PTPRN2: variants seen among roughly 807,000 people sequenced by gnomAD.
The protein encoded by PTPRN2 is receptor-type tyrosine-protein phosphatase N2.
PTPRN2 carries 74 observed loss-of-function variants against 118.8 expected under a neutral mutation model. The ratio of observed to expected loss-of-function variants is 0.62; its 90% CI spans 0.52 to 0.76. The LOEUF is 0.76. PTPRN2 is among the 30% of genes least tolerant of loss of function. The probability of loss-of-function intolerance (pLI) is 0.00; values close to 1 mark genes in which losing one functional copy is unlikely to be tolerated. For missense variants in PTPRN2, 1,481 were observed against 1,394.4 expected (o/e 1.06, Z -0.99); for synonymous variants, 641 against 608.0 (o/e 1.05, Z -0.80).
intron 10 of PTPRN2, among the ~76,000 whole-genome samples, chr7:158,099,062 C>T (rs1814955722): frequency 4.1e-5 from 1 of 24,140 alleles, no homozygotes; most frequent in Non-Finnish European, 8.2e-5. Flanking sequence ...GCTGCCTCCC[C>T]TTCCTCCCCC....
intron 1 of PTPRN2, among the ~76,000 whole-genome samples, chr7:158,554,118 T>C (rs1277380122): frequency 6.6e-6 from 1 of 152,164 alleles, no homozygotes; most frequent in African/African-American, 2.4e-5. Context: ...TACAAAAAAT[T>C]AGCCGGATGT....
chr7:158,221,203 T>C (rs997074109), intron 3 of PTPRN2, among the ~76,000 whole-genome samples: 22 of 152,154 alleles, frequency 1.4e-4, no homozygotes, highest in African/African-American at 4.6e-4. Flanking sequence ...TTTTACCATA[T>C]ACAAAAATCA....
chr7:157,591,777 C>T lies in PTPRN2; in HGVS notation c.2496+3461G>A, dbSNP rs1456289654. Among the ~76,000 whole-genome samples the T allele has an allele frequency of 1.3e-5, 2 of 152,226 alleles. No homozygotes were observed. Among genetic ancestry groups the T allele is most frequent in the Admixed American group, 6.5e-5 (1 of 15,292 alleles). On this transcript the variant is annotated intron_variant, in intron 17 of 22. Coordinates refer to ENST00000389418, the MANE Select transcript of PTPRN2 (RefSeq NM_002847.5). This position sits in a 1 kb window ranked among gnomAD's most constrained non-coding sequence, Gnocchi z 4.4. Reference sequence around the variant, plus strand: ...GTGACTGTGCTAGGAAGCAACTCTCCTCCATCCTGCTCTGTGTGGATTTAT... The same window carrying T: ...GTGACTGTGCTAGGAAGCAACTCTCTTCCATCCTGCTCTGTGTGGATTTAT...
intron 11 of PTPRN2, among the ~76,000 whole-genome samples, chr7:157,922,007 A>G (rs2128770485): frequency 6.6e-6 from 1 of 152,310 alleles, no homozygotes; most frequent in East Asian, 1.9e-4. Flanking sequence ...TTTTCTGTAA[A>G]TGTAAAACTG....
intron 3 of PTPRN2, among the ~76,000 whole-genome samples, chr7:158,231,112 C>A (rs1013017002): frequency 2.0e-5 from 3 of 151,996 alleles, no homozygotes; most frequent in Admixed American, 6.6e-5. Context: ...ATAAAAAAAT[C>A]AAAAATTAGC....
At chr7:158,140,325 A>T (rs1002758143) in intron 6 of PTPRN2, among the ~76,000 whole-genome samples, 1 of 152,218 alleles carries the variant, frequency 6.6e-6, no homozygotes, top group Non-Finnish European at 1.5e-5. Context: ...CCAAAAGGAC[A>T]TCTTCCGTAT....
rs184774259 is a variant in PTPRN2 at position 157,917,930 on chromosome 7, G to A, written c.1724-19193C>T. On this transcript the variant is annotated intron_variant, in intron 11 of 22. Coordinates refer to ENST00000389418, the MANE Select transcript of PTPRN2 (RefSeq NM_002847.5). ...TCACGATGTAATTGGCTTTCCCAAC[G>A]CAAATTTCAGTGAAATTTGACTAAG... 2.6e-3 allele frequency among the ~76,000 whole-genome samples: 402 copies of A among 152,236 alleles called. 5 individuals are homozygous for A. Among genetic ancestry groups the A allele is most frequent in the East Asian group, 7.7e-4 (4 of 5,172 alleles).
At chr7:157,921,576 G>C (rs1798692878) in intron 11 of PTPRN2, among the ~76,000 whole-genome samples, 1 of 152,234 alleles carries the variant, frequency 6.6e-6, no homozygotes, top group Admixed American at 6.5e-5. Flanking sequence ...GTTTCTTGCA[G>C]GAGTGTGATA....
intron 12 of PTPRN2, among the ~76,000 whole-genome samples, chr7:157,693,846 G>A (rs1431529158): frequency 6.6e-6 from 1 of 152,196 alleles, no homozygotes; most frequent in Non-Finnish European, 1.5e-5. Flanking sequence ...GGAGCTCTCC[G>A]AGGTGGCCAG....
chr7:158,318,670 C>A (rs532565979), intron 2 of PTPRN2, among the ~76,000 whole-genome samples: 1 of 152,240 alleles, frequency 6.6e-6, no homozygotes, highest in Non-Finnish European at 1.5e-5. Flanking sequence ...AGAAGGAAGG[C>A]GCTCTCGGCC....
intron 3 of PTPRN2, among the ~76,000 whole-genome samples, chr7:158,227,746 T>G (rs888230779): frequency 2.0e-5 from 3 of 152,180 alleles, no homozygotes; most frequent in Admixed American, 2.0e-4. Context: ...GCAGGAAGCC[T>G]GTAGGCTTTG....
At chr7:158,192,188 A>C in intron 5 of PTPRN2, 139 bp downstream of exon 5, 6 of 1,021,342 alleles carry the variant, frequency 5.9e-6, no homozygotes, top group Non-Finnish European at 5.3e-6. Flanking sequence ...GGAACACCGA[A>C]GCCCTGTTCA....
chr7:157,737,346 C>G (rs1460516879), intron 12 of PTPRN2, among the ~76,000 whole-genome samples: 1 of 152,212 alleles, frequency 6.6e-6, no homozygotes, highest in Non-Finnish European at 1.5e-5. Context: ...GCTCTGTTCG[C>G]TGAGCCTCAG....
rs1826898651 is a variant in PTPRN2, at chr7:158,555,252, A to G, written c.112+32306T>C. ...CATCTTCAGCAGCTCTTACGACTGCAAGATCCCACAGCTGCCTTTTGGGGG... is the reference window on the plus strand; with the variant it reads ...CATCTTCAGCAGCTCTTACGACTGCGAGATCCCACAGCTGCCTTTTGGGGG... On this transcript the variant is annotated intron_variant, in intron 1 of 22. Coordinates refer to ENST00000389418, the MANE Select transcript of PTPRN2 (RefSeq NM_002847.5). This position sits in a 1 kb window ranked among gnomAD's most constrained non-coding sequence, Gnocchi z 4.7. Among the ~76,000 whole-genome samples the G allele has an allele frequency of 6.6e-6, 1 of 152,234 alleles. No homozygotes were observed. Among genetic ancestry groups the G allele is most frequent in the Non-Finnish European group, 1.5e-5 (1 of 68,052 alleles).
intron 12 of PTPRN2, among the ~76,000 whole-genome samples, chr7:157,739,746 G>T (rs1800512194): frequency 6.6e-6 from 1 of 152,170 alleles, no homozygotes; most frequent in Non-Finnish European, 1.5e-5. Flanking sequence ...GATCAGCCCT[G>T]GGGTCACCAT....
intron 8 of PTPRN2, among the ~76,000 whole-genome samples, chr7:158,134,710 G>A (rs373565740): frequency 1.2e-4 from 18 of 152,134 alleles, no homozygotes; most frequent in African/African-American, 3.4e-4. Context: ...TCTCCCAGCC[G>A]GATCCCCTTT....
rs60978733 is a variant in PTPRN2, at chr7:157,590,671, CGCGGTGCCAT to C, written c.2496+4557_2496+4566del. Among the ~76,000 whole-genome samples, 7,314 of 152,140 alleles carry C rather than the reference CGCGGTGCCAT, an allele frequency of 0.048. 319 individuals carry two copies. Among genetic ancestry groups the C allele is most frequent in the East Asian group, 0.19 (987 of 5,112 alleles). On this transcript the variant is annotated intron_variant, in intron 17 of 22. Transcript: ENST00000389418. The surrounding 1 kb of genome is among the most constrained non-coding windows in gnomAD (Gnocchi z 4.0). Reference sequence around the variant, plus strand: ...GCGGGACGGGGAGCTGATGGGGCCTCGCGGTGCCATGCTGGGGGAGAGGCTGGTGAGCATG... The same window carrying C: ...GCGGGACGGGGAGCTGATGGGGCCTCGCTGGGGGAGAGGCTGGTGAGCATG...
chr7:158,229,575 T>C (rs575324579), intron 3 of PTPRN2, among the ~76,000 whole-genome samples: 40 of 152,166 alleles, frequency 2.6e-4, no homozygotes, highest in Admixed American at 2.6e-4. Flanking sequence ...ATCTTGGAAC[T>C]GAGAAATACA....
intron 11 of PTPRN2, among the ~76,000 whole-genome samples, chr7:158,000,419 G>A (rs936568079): frequency 7.9e-5 from 12 of 152,002 alleles, no homozygotes; most frequent in South Asian, 2.1e-4. Flanking sequence ...CACCCAACAC[G>A]TGAAAGCCGT....
Sources: allele counts gnomAD v4.1 joint callset (sites outside exome capture counted in the v4.1 genomes callset), GRCh38; gene constraint gnomAD v4.1.1; non-coding constraint Gnocchi (gnomAD v3.1); transcripts MANE v1.5; gene names NCBI Gene and HGNC (gene_info 2026-07-23, HGNC 2026-07-21).